OR51B5: variants seen among roughly 807,000 people sequenced by gnomAD.
OR51B5 encodes olfactory receptor family 51 subfamily B member 5, also known as olfactory receptor 51B5.
For missense variants in OR51B5, 456 were observed against 374.6 expected (o/e 1.22, Z -1.79); for synonymous variants, 186 against 144.8 (o/e 1.28, Z -2.04).
At chr11:5,422,132 G>A (rs1426133147) in intron 1 of OR51B5, 10 of 1,209,172 alleles carry the variant, frequency 8.3e-6, no homozygotes, top group African/African-American at 1.5e-5. Context: ...GGGGCAAAGA[G>A]ATATTATTTC....
chr11:5,456,414 T>G (rs917194642), intron 1 of OR51B5: 3 of 152,208 alleles, frequency 2.0e-5, no homozygotes, highest in African/African-American at 7.2e-5. Flanking sequence ...CCTGCAGCTC[T>G]AATCCTAAAA....
At chr11:5,358,984 G>A (rs1849237093) in intron 1 of OR51B5, among the ~76,000 whole-genome samples, 1 of 151,484 alleles carries the variant, frequency 6.6e-6, no homozygotes. Flanking sequence ...GGTATTGATG[G>A]GACGTATCTC....
intron 1 of OR51B5, chr11:5,489,385 G>A (rs761311574): frequency 6.2e-7 from 1 of 1,613,886 alleles, no homozygotes; most frequent in Non-Finnish European, 8.5e-7. Context: ...TATCCTCCAT[G>A]CAGTCTTTCA....
intron 1 of OR51B5, among the ~76,000 whole-genome samples, chr11:5,418,781 G>T (rs994690913): frequency 6.6e-6 from 1 of 151,412 alleles, no homozygotes; most frequent in Non-Finnish European, 1.5e-5. Context: ...TAATGTAGGT[G>T]ACGGGTTGAT....
chr11:5,358,750 T>C (rs941872898), intron 1 of OR51B5, among the ~76,000 whole-genome samples: 2 of 152,092 alleles, frequency 1.3e-5, no homozygotes, highest in Non-Finnish European at 2.9e-5. Context: ...CTCAATAAAA[T>C]ACTGGCAAAG....
At chr11:5,422,050 A>C (rs1245893564) in intron 1 of OR51B5, 2 of 635,672 alleles carry the variant, frequency 3.1e-6, no homozygotes, top group East Asian at 2.7e-5. Flanking sequence ...CATATATCAC[A>C]ATGTTCTTAA....
chr11:5,380,441 GAA>G (rs1278417009), intron 1 of OR51B5, among the ~76,000 whole-genome samples: 2 of 152,154 alleles, frequency 1.3e-5, no homozygotes, highest in Non-Finnish European at 2.9e-5. Flanking sequence ...GTTCTTCTGG[GAA>G]GGACTTGTTC....
chr11:5,452,491 A>T (rs10838130), intron 1 of OR51B5, among the ~76,000 whole-genome samples: 1 of 123,238 alleles, frequency 8.1e-6, no homozygotes, highest in Non-Finnish European at 1.6e-5. Flanking sequence ...GGCAAAAGAG[A>T]GAGACTCTGT....
chr11:5,358,819 G>C (rs896460851), intron 1 of OR51B5, among the ~76,000 whole-genome samples: 2 of 152,028 alleles, frequency 1.3e-5, no homozygotes, highest in African/African-American at 4.8e-5. Flanking sequence ...TTCATCCCTG[G>C]GATGCAAGGC....
chr11:5,416,881 C>G (rs1308792676), intron 1 of OR51B5, among the ~76,000 whole-genome samples: 1 of 151,806 alleles, frequency 6.6e-6, no homozygotes, highest in Non-Finnish European at 1.5e-5. Flanking sequence ...CAATGCCATC[C>G]CCATCAAGCT....
chr11:5,443,650 A>C (rs2255431), intron 1 of OR51B5, among the ~76,000 whole-genome samples: 10,102 of 152,076 alleles, frequency 0.066, 503 homozygotes, highest in Non-Finnish European at 0.097. Context: ...TAGTCTAGAA[A>C]GTAATATTTT....
intron 1 of OR51B5, among the ~76,000 whole-genome samples, chr11:5,369,872 T>A (rs1224080153): frequency 6.6e-6 from 1 of 152,192 alleles, no homozygotes; most frequent in African/African-American, 2.4e-5. Flanking sequence ...AAGTCAACAG[T>A]TGTTAAAAGT....
intron 1 of OR51B5, chr11:5,389,883 T>C: frequency 1.2e-6 from 2 of 1,613,016 alleles, no homozygotes; most frequent in Non-Finnish European, 1.7e-6. Flanking sequence ...ATTGTCATCT[T>C]CCGGGGACCT....
chr11:5,419,586 A>G lies in OR51B5; in HGVS notation n.85-72676T>C, dbSNP rs528937197. On this transcript the variant is annotated intron_variant and non_coding_transcript_variant, in intron 1 of 4. Transcript: ENST00000415970. ...AGTGATTTCAAAATTATTTAAGCAT[A>G]AAGGAGTATGTGCATAGGCTACATG... Among the ~76,000 whole-genome samples the G allele has an allele frequency of 4.6e-5, 7 of 152,334 alleles. No homozygotes were observed. In the East Asian group the frequency reaches 1.4e-3, roughly 29 times the overall value.
intron 1 of OR51B5, chr11:5,456,475 C>T (rs1247908037): frequency 1.3e-5 from 2 of 152,062 alleles, no homozygotes; most frequent in Non-Finnish European, 2.9e-5. Flanking sequence ...GTTAAAAACT[C>T]TTTAACTTCT....
intron 1 of OR51B5, among the ~76,000 whole-genome samples, chr11:5,460,259 G>A (rs1171809018): frequency 1.3e-5 from 2 of 152,154 alleles, no homozygotes; most frequent in African/African-American, 4.8e-5. Context: ...GATGTGAAGA[G>A]GGAGAGGATC....
chr11:5,407,875 T>G (rs1002784079), intron 1 of OR51B5, among the ~76,000 whole-genome samples: 2 of 152,072 alleles, frequency 1.3e-5, no homozygotes, highest in Non-Finnish European at 2.9e-5. Context: ...CAATAATGAT[T>G]AATTTTGTAT....
intron 1 of OR51B5, among the ~76,000 whole-genome samples, chr11:5,399,582 T>C (rs1849936023): frequency 6.6e-6 from 1 of 152,092 alleles, no homozygotes; most frequent in South Asian, 2.1e-4. Context: ...TTTTTTCTGA[T>C]TTGTTGTGTC....
rs532406457 is a variant in OR51B5, at chr11:5,502,431, C to T, written n.84+3138G>A. ...TTTGCATGAGACATTTTTCCCCTAG[C>T]TCTTTGAATGTCTGGCTTCCTTTCA... On this transcript the variant is annotated intron_variant and non_coding_transcript_variant, in intron 1 of 4. Coordinates refer to the OR51B5 transcript ENST00000415970. Among the ~76,000 whole-genome samples the T allele has an allele frequency of 2.3e-4, 35 of 152,306 alleles. 1 individual carries two copies. The highest frequency in any genetic ancestry group is 8.4e-4 in the African/African-American group (35 of 41,570).
Sources: gnomAD v4.1 joint callset for allele counts (sites outside exome capture counted in the v4.1 genomes callset) on GRCh38, gnomAD v4.1.1 for gene constraint, MANE v1.5 for transcripts, NCBI Gene and HGNC (gene_info 2026-07-23, HGNC 2026-07-21) for gene names.